Variants in DNM3 observed in about 807,000 individuals in gnomAD.
The protein encoded by DNM3 is dynamin 3, also known as dynamin-3.
In DNM3, 47 loss-of-function variants were observed where a neutral mutation model predicts 101.6. That is an observed-to-expected ratio of 0.46 (90% CI 0.37 to 0.59). The LOEUF is 0.59. Ranked by LOEUF, DNM3 falls within the 20% of genes least tolerant of loss-of-function variation. The pLI is 0.00. For synonymous variants in DNM3, 385 were observed against 387.9 expected (o/e 0.99, Z 0.09); for missense variants, 849 against 1,085.7 (o/e 0.78, Z 3.06).
intron 17 of DNM3, among the ~76,000 whole-genome samples, chr1:172,330,863 A>G (rs1454081418): frequency 6.6e-6 from 1 of 152,194 alleles, no homozygotes; most frequent in Non-Finnish European, 1.5e-5. Context: ...ATACATGTGG[A>G]AATTAACTTT....
chr1:172,027,938 C>T (rs1329785238), intron 4 of DNM3, among the ~76,000 whole-genome samples: 1 of 152,122 alleles, frequency 6.6e-6, no homozygotes, highest in Non-Finnish European at 1.5e-5. Context: ...TTCCTAGAGA[C>T]CTACAAAGAG....
chr1:171,885,228 C>T (rs1388689841), intron 1 of DNM3, among the ~76,000 whole-genome samples: 1 of 151,904 alleles, frequency 6.6e-6, no homozygotes, highest in Non-Finnish European at 1.5e-5. Flanking sequence ...AAAAAAAAAT[C>T]GGGAGATTGT....
intron 10 of DNM3, among the ~76,000 whole-genome samples, chr1:172,061,054 T>G (rs1301077664): frequency 2.3e-5 from 3 of 131,708 alleles, no homozygotes; most frequent in Non-Finnish European, 3.2e-5. Flanking sequence ...AACAGACACT[T>G]CTCAAAAGAA....
chr1:172,124,014 A>G (rs1284154879), intron 13 of DNM3, among the ~76,000 whole-genome samples: 1 of 152,156 alleles, frequency 6.6e-6, no homozygotes, highest in Non-Finnish European at 1.5e-5. Flanking sequence ...TGTAGAGTCC[A>G]CTTCAAGGCC....
chr1:172,330,732 GAGAA>G (rs1248750029), intron 17 of DNM3, among the ~76,000 whole-genome samples: 1 of 152,106 alleles, frequency 6.6e-6, no homozygotes, highest in East Asian at 1.9e-4. Context: ...AGAGGATGGT[GAGAA>G]AGAAAGAAAA....
chr1:172,415,536 T>TGTTTG (rs60283791), downstream of DNM3, among the ~76,000 whole-genome samples: 24,838 of 139,520 alleles, frequency 0.18, 2,489 homozygotes, highest in East Asian at 0.36. Context: ...TTTTTTTTTT[T>TGTTTG]TTTTTTTTTT....
In DNM3 at chr1:172,387,356, G is replaced by T. The variant is rs779486284; in HGVS notation, c.2282G>T (p.Arg761Leu). 2 of 1,612,306 alleles carry T rather than the reference G, an allele frequency of 1.2e-6. No individual in the cohort carries two copies. The highest frequency in any genetic ancestry group is 2.7e-5 in the African/African-American group (2 of 74,838). ...PVDDSWIQHS[R>L]RSPPPSPTTQ... ...GATGACTCCTGGATACAGCACTCTC[G>T]CAGGTAAGAAGATGGCCCCGGCCGG... Residue 761 changes from arginine to leucine, a missense_variant, in exon 19 of 21, where the codon CGC (arginine) becomes CTC (leucine). Coordinates refer to ENST00000627582, the MANE Select transcript of DNM3 (RefSeq NM_015569.5).
chr1:172,252,114 T>C (rs2062193575), intron 14 of DNM3, among the ~76,000 whole-genome samples: 1 of 152,180 alleles, frequency 6.6e-6, no homozygotes, highest in Non-Finnish European at 1.5e-5. Flanking sequence ...TGAGCCTCTC[T>C]CACTCCTATT....
intron 15 of DNM3, 42 bp from the exon 16 acceptor site, chr1:172,308,686 G>T (rs775370527): frequency 6.6e-5 from 73 of 1,113,862 alleles, no homozygotes; most frequent in Non-Finnish European, 8.9e-5. Context: ...CTTTGAATTT[G>T]GTTCAAACTA....
chr1:171,986,715 C>T (rs1020311387), intron 2 of DNM3, among the ~76,000 whole-genome samples: 7 of 151,386 alleles, frequency 4.6e-5, no homozygotes, highest in Non-Finnish European at 7.4e-5. Flanking sequence ...ACTGCAGCCT[C>T]GACCTCACAG....
Position 172,203,781 on chromosome 1 carries a change from T to C in DNM3, c.1660-49792T>C, listed in dbSNP as rs1350727610. ...TGGGTTGGTACCAGACTAAAATTTG[T>C]ATAATCACTCAGCAAAAAGGCTAAA... On this transcript the variant is annotated intron_variant, in intron 14 of 20. Transcript: ENST00000627582. 2.6e-5 allele frequency among the ~76,000 whole-genome samples: 4 copies of C among 152,212 alleles called. No homozygotes were observed. In the East Asian group the frequency reaches 7.7e-4, roughly 29 times the overall value.
chr1:172,137,589 G>C (rs2057309733), intron 14 of DNM3: 1 of 152,094 alleles, frequency 6.6e-6, no homozygotes, highest in Admixed American at 6.6e-5. Context: ...AAATAAAATA[G>C]CTGAATGAAA....
chr1:172,331,457 A>G (rs1195859159), intron 17 of DNM3, among the ~76,000 whole-genome samples: 1 of 152,192 alleles, frequency 6.6e-6, no homozygotes, highest in East Asian at 1.9e-4. Context: ...TTGAAAAAGC[A>G]TGATGACAAT....
At chr1:171,854,534 A>T (rs1459671290) in intron 1 of DNM3, among the ~76,000 whole-genome samples, 1 of 152,112 alleles carries the variant, frequency 6.6e-6, no homozygotes, top group African/African-American at 2.4e-5. Flanking sequence ...CTTGTCGCCC[A>T]GGCTGGAGTG....
intron 14 of DNM3, among the ~76,000 whole-genome samples, chr1:172,204,635 C>T (rs995335278): frequency 3.9e-5 from 6 of 152,270 alleles, no homozygotes; most frequent in East Asian, 1.9e-4. Context: ...CCAAACTACA[C>T]GTCCTCAGAG....
chr1:172,334,986 A>G (rs763815707), intron 17 of DNM3, among the ~76,000 whole-genome samples: 1 of 152,208 alleles, frequency 6.6e-6, no homozygotes, highest in Non-Finnish European at 1.5e-5. Context: ...GCAAGAGAAC[A>G]AGATACAAAA....
chr1:171,955,538 A>C (rs1176952666), intron 2 of DNM3, among the ~76,000 whole-genome samples: 4 of 152,144 alleles, frequency 2.6e-5, no homozygotes, highest in Non-Finnish European at 5.9e-5. Context: ...TAAAATGATA[A>C]AGCTATTATC....
chr1:171,926,535 C>T (rs1000565840), intron 2 of DNM3, among the ~76,000 whole-genome samples: 1 of 152,164 alleles, frequency 6.6e-6, no homozygotes, highest in African/African-American at 2.4e-5. Context: ...CAGAGAAATA[C>T]AGGTTTATTT....
intron 14 of DNM3, among the ~76,000 whole-genome samples, chr1:172,158,125 A>G (rs1321204715): frequency 2.0e-5 from 3 of 151,990 alleles, no homozygotes; most frequent in African/African-American, 7.2e-5. Flanking sequence ...TTATATTGGC[A>G]AGCAGTGAGG....
Sources: allele counts gnomAD v4.1 joint callset (sites outside exome capture counted in the v4.1 genomes callset), GRCh38; gene constraint gnomAD v4.1.1; transcripts MANE v1.5; gene names NCBI Gene and HGNC (gene_info 2026-07-23, HGNC 2026-07-21).